Variants in TET1 observed in about 807,000 individuals in gnomAD.
TET1 encodes the protein methylcytosine dioxygenase TET1.
In TET1, 13 loss-of-function variants were observed where a neutral mutation model predicts 148.7. The observed-to-expected ratio is 0.09, with a 90% CI of 0.06 to 0.14. The LOEUF is 0.14. Ranked by LOEUF, TET1 falls within the 10% of genes least tolerant of loss-of-function variation. The pLI is 1.00. For synonymous variants in TET1, 907 were observed against 937.2 expected (o/e 0.97, Z 0.59); for missense variants, 2,182 against 2,553.8 (o/e 0.85, Z 3.14).
chr10:68,664,693 T>TC (rs1554810422), intron 6 of TET1, among the ~76,000 whole-genome samples: 4 of 148,544 alleles, frequency 2.7e-5, no homozygotes, highest in Non-Finnish European at 4.5e-5. Context: ...TTTTTTTTTT[T>TC]ACTCTGTTGC....
In TET1 at chr10:68,574,054, C is replaced by T. The variant is rs775411319; in HGVS notation, c.1716C>T (p.Ser572=). The change falls in exon 2 of 12, where the codon TCC becomes TCT. Residue 572 remains serine, a synonymous_variant. Coordinates refer to ENST00000373644, the MANE Select transcript of TET1 (RefSeq NM_030625.3). ...VTMPVPMVST[S]SSSYTTLLPT... is the part of the protein sequence containing the mutation. ...TGCCAGTGCCAATGGTCAGTACCTC[C>T]TCTTCTTCCTATACCACTTTGCTAC... 10 of 1,614,064 alleles carry T rather than the reference C, an allele frequency of 6.2e-6. No individual in the cohort carries two copies. The highest frequency in any genetic ancestry group is 2.2e-5 in the East Asian group (1 of 44,890).
chr10:68,686,644 A>G lies in TET1; in HGVS notation c.5341A>G (p.Ile1781Val). ...AGTGGAAAAGAAACCTATTCCCCGA[A>G]TCAAGCGGAAGAATAACTCAACAAC... ...RAVEKKPIPRIKRKNNSTTTN... is the reference protein window; with the variant it reads ...RAVEKKPIPRVKRKNNSTTTN... Residue 1781 changes from isoleucine to valine, a missense_variant, in exon 11 of 12, where the codon ATC becomes GTC. Coordinates refer to ENST00000373644, the MANE Select transcript of TET1 (RefSeq NM_030625.3). 6.2e-7 allele frequency: 1 copy of G among 1,614,150 alleles called. No homozygotes were observed. Among genetic ancestry groups the G allele is most frequent in the Non-Finnish European group, 8.5e-7 (1 of 1,180,030 alleles).
intron 6 of TET1, among the ~76,000 whole-genome samples, chr10:68,657,605 C>A (rs1433342410): frequency 6.6e-6 from 1 of 152,110 alleles, no homozygotes; most frequent in Non-Finnish European, 1.5e-5. Context: ...TACACTCTAG[C>A]CTGAGTAACG....
chr10:68,682,237 G>A (rs1000219064), intron 9 of TET1, among the ~76,000 whole-genome samples: 7 of 148,468 alleles, frequency 4.7e-5, no homozygotes, highest in East Asian at 2.1e-4. Flanking sequence ...TCAGCCTCCC[G>A]AGTAGCTGGG....
At chr10:68,561,728 T>C (rs1554927304) in intron 1 of TET1, among the ~76,000 whole-genome samples, 2 of 93,394 alleles carry the variant, frequency 2.1e-5, no homozygotes, top group African/African-American at 4.2e-5. Flanking sequence ...GGTCCCCGCC[T>C]CTCTCGCCCC....
At chr10:68,596,461 A>C (rs574988054) in intron 2 of TET1, among the ~76,000 whole-genome samples, 1 of 151,738 alleles carries the variant, frequency 6.6e-6, no homozygotes, top group Non-Finnish European at 1.5e-5. Context: ...CTAATATTTA[A>C]TTTTTTTTGT....
intron 11 of TET1, among the ~76,000 whole-genome samples, chr10:68,688,566 C>G (rs2055548521): frequency 6.6e-6 from 1 of 151,408 alleles, no homozygotes; most frequent in Admixed American, 6.6e-5. Flanking sequence ...TCCCGAGTAG[C>G]TGGGACTACA....
intron 10 of TET1, among the ~76,000 whole-genome samples, chr10:68,685,274 CTTTGCT>C: frequency 6.6e-6 from 1 of 152,250 alleles, no homozygotes; most frequent in Non-Finnish European, 1.5e-5. Flanking sequence ...TAACCTTTAA[CTTTGCT>C]TTACCTTGGT....
At chr10:68,657,471 C>T (rs1307968540) in intron 6 of TET1, among the ~76,000 whole-genome samples, 2 of 152,128 alleles carry the variant, frequency 1.3e-5, no homozygotes, top group Admixed American at 6.5e-5. Flanking sequence ...CCACCACGCC[C>T]GGCCAAAAAT....
chr10:68,675,591 G>A (rs952316751), intron 8 of TET1, among the ~76,000 whole-genome samples: 2 of 145,816 alleles, frequency 1.4e-5, no homozygotes, highest in African/African-American at 5.0e-5. Context: ...TTTGAGTCTG[G>A]GTCTCGCTCT....
chr10:68,661,057 T>C lies in TET1; in HGVS notation c.4462-5988T>C, dbSNP rs556702298. ...TGTTTTTGTTTTTTTTGAGACAGAG[T>C]CTTGCTCTGTCGCCCAGGCTGGAGT... is the stretch of plus-strand genomic sequence containing the variant. On this transcript the variant is annotated intron_variant, in intron 6 of 11. Transcript: ENST00000373644. Among the ~76,000 whole-genome samples the C allele has an allele frequency of 5.5e-3, 833 of 151,818 alleles. 14 individuals are homozygous for C. Among genetic ancestry groups the C allele is most frequent in the African/African-American group, 0.019 (788 of 41,396 alleles).
At chr10:68,670,999 TG>T (rs1427121268) in intron 7 of TET1, among the ~76,000 whole-genome samples, 18 of 152,336 alleles carry the variant, frequency 1.2e-4, no homozygotes, top group South Asian at 2.1e-4. Context: ...ATTCTTTTAC[TG>T]TTTTTTTTGT....
At chr10:68,682,491 G>A (rs1215128576) in intron 9 of TET1, among the ~76,000 whole-genome samples, 1 of 152,024 alleles carries the variant, frequency 6.6e-6, no homozygotes, top group African/African-American at 2.4e-5. Flanking sequence ...TTCTTTTTAC[G>A]GATATTGAAA....
chr10:68,587,257 C>T (rs764286754), intron 2 of TET1, among the ~76,000 whole-genome samples: 2 of 152,130 alleles, frequency 1.3e-5, no homozygotes, highest in Non-Finnish European at 2.9e-5. Context: ...GGTGAGTTTT[C>T]TGTAAAAGTA....
At position 68,574,333 on chromosome 10, in the gene TET1, A is replaced by T. The variant is rs2053704723; in HGVS notation, c.1914+81A>T. ...ATGCAGAGACACTTCTAGTGTCTCT[A>T]GTGTCTCTATGTAATAGTGAATTGC... On this transcript the variant is annotated intron_variant, in intron 2 of 11. Transcript: ENST00000373644. The T allele has an allele frequency of 3.7e-6, 4 of 1,080,534 alleles. No individual in the cohort carries two copies. In the South Asian group the frequency reaches 6.2e-5, roughly 17 times the overall value. The allele number at this position is 1,080,534 out of a possible 1,614,324, so 66.9% of individuals were successfully genotyped here. A position where few individuals can be genotyped will look rare whatever the true frequency, so the allele number is the denominator to read the frequency against.
chr10:68,648,998 A>G (rs956225422), intron 4 of TET1, among the ~76,000 whole-genome samples: 2 of 152,188 alleles, frequency 1.3e-5, no homozygotes, highest in African/African-American at 4.8e-5. Flanking sequence ...AAGAGTGACA[A>G]TGCTGTCTGA....
At chr10:68,655,055 T>C (rs569285890) in intron 6 of TET1, among the ~76,000 whole-genome samples, 33 of 152,128 alleles carry the variant, frequency 2.2e-4, no homozygotes, top group Non-Finnish European at 3.2e-4. Flanking sequence ...TTTCATCACC[T>C]CAAGAGGTTG....
chr10:68,627,560 C>T (rs1170501885), intron 3 of TET1, among the ~76,000 whole-genome samples: 1 of 152,052 alleles, frequency 6.6e-6, no homozygotes, highest in Non-Finnish European at 1.5e-5. Flanking sequence ...CGTGCTACTG[C>T]ACTCCGGTCT....
At chr10:68,596,310 G>T (rs2053988946) in intron 2 of TET1, among the ~76,000 whole-genome samples, 1 of 151,616 alleles carries the variant, frequency 6.6e-6, no homozygotes, top group Non-Finnish European at 1.5e-5. Flanking sequence ...GGTTAGAAGT[G>T]GGATCAACTC....
Sources: gnomAD v4.1 joint callset for allele counts (sites outside exome capture counted in the v4.1 genomes callset) on GRCh38, gnomAD v4.1.1 for gene constraint, MANE v1.5 for transcripts, NCBI Gene and HGNC (gene_info 2026-07-23, HGNC 2026-07-21) for gene names.